The following SCRN1 variants were observed in gnomAD, a reference collection of about 807,000 sequenced individuals.
SCRN1 encodes the protein secernin-1.
Under a neutral mutation model 43.3 loss-of-function variants are expected in SCRN1, and 19 were observed. The observed-to-expected ratio is 0.44, with a 90% CI of 0.31 to 0.64. The LOEUF (loss-of-function observed/expected upper bound fraction) is 0.64, where lower values mean the gene tolerates loss of function less well. SCRN1 is among the 30% of genes least tolerant of loss of function. The pLI, the probability that SCRN1 is intolerant of heterozygous loss-of-function variation, is 0.09. For synonymous variants in SCRN1, 183 were observed against 188.9 expected (o/e 0.97, Z 0.26); for missense variants, 447 against 524.1 (o/e 0.85, Z 1.44).
chr7:29,969,294 C>A, intron 1 of SCRN1: 2 of 541,796 alleles, frequency 3.7e-6, no homozygotes, highest in Admixed American at 6.2e-5. Flanking sequence ...TAAATGAGCT[C>A]AGATTTGCAA....
intron 6 of SCRN1, among the ~76,000 whole-genome samples, chr7:29,930,938 C>T (rs1787135679): frequency 6.6e-6 from 1 of 152,298 alleles, no homozygotes; most frequent in Non-Finnish European, 1.5e-5. Context: ...CTAAAGGAAG[C>T]CTCCCTCAGC....
intron 6 of SCRN1, among the ~76,000 whole-genome samples, chr7:29,928,100 G>A (rs544020303): frequency 1.3e-5 from 2 of 152,284 alleles, no homozygotes; most frequent in African/African-American, 4.8e-5. Flanking sequence ...TCCGGCCTGG[G>A]TGACTGAGCG....
intron 5 of SCRN1, among the ~76,000 whole-genome samples, chr7:29,938,042 T>G (rs1787399500): frequency 6.6e-6 from 1 of 152,170 alleles, no homozygotes; most frequent in Non-Finnish European, 1.5e-5. Context: ...GCATCTTTTT[T>G]TTTTGAGATG....
Position 29,955,374 on chromosome 7 carries a change from A to T in SCRN1, c.160-14T>A. On this transcript the variant is annotated splice_polypyrimidine_tract_variant and intron_variant, in intron 2 of 7. Transcript: ENST00000242059. ...AATGTAAGTGCACTGAAAAACAAACACAGGAAAGAAAGCGCCATCACCTGT... is the reference window on the plus strand; with the variant it reads ...AATGTAAGTGCACTGAAAAACAAACTCAGGAAAGAAAGCGCCATCACCTGT... The T allele has an allele frequency of 6.2e-7, 1 of 1,611,738 alleles. No individual in the cohort carries two copies. Among genetic ancestry groups the T allele is most frequent in the Non-Finnish European group, 8.5e-7 (1 of 1,178,856 alleles).
Position 29,968,943 on chromosome 7 carries a change from G to C in SCRN1, c.125C>G (p.Ser42Trp). 1.2e-6 allele frequency: 2 copies of C among 1,614,102 alleles called. No individual in the cohort carries two copies. The highest frequency in any genetic ancestry group is 1.7e-6 in the Non-Finnish European group (2 of 1,180,016). Residue 42 changes from serine (S) to tryptophan (W), a missense_variant, in exon 2 of 8, where the codon TCG (serine) becomes TGG (tryptophan). By Grantham distance (177) the Ser-to-Trp change is radical. Coordinates refer to ENST00000242059, the MANE Select transcript of SCRN1 (RefSeq NM_014766.5). ...GCTCTCCGGTTCGTGATCAGCAGCCGAGAAATACACAACCTCTTGCACTTC... is the reference window on the plus strand; with the variant it reads ...GCTCTCCGGTTCGTGATCAGCAGCCCAGAAATACACAACCTCTTGCACTTC... The part of the protein sequence containing the change: ...RDEVQEVVYF[S>W]AADHEPESKV...
At position 29,951,353 on chromosome 7, in the gene SCRN1, G is replaced by C. The variant is rs922473552; in HGVS notation, c.341+3826C>G. On this transcript the variant is annotated intron_variant, in intron 3 of 7. Coordinates refer to ENST00000242059, the MANE Select transcript of SCRN1 (RefSeq NM_014766.5). The stretch of plus-strand genomic sequence containing the variant: ...CCTCTCTGCGCCTGGCTTGTGCTTG[G>C]AAGGCATGGGATCCAGGCCAGTAGC... Among the ~76,000 whole-genome samples, 13 of 152,316 alleles carry C rather than the reference G, an allele frequency of 8.5e-5. 1 individual carries two copies. The East Asian group carries it at 2.5e-3, about 29-fold the overall frequency.
intron 5 of SCRN1, among the ~76,000 whole-genome samples, chr7:29,937,169 C>T (rs1562804816): frequency 6.6e-6 from 1 of 152,246 alleles, no homozygotes; most frequent in Non-Finnish European, 1.5e-5. Context: ...ACATCTGGGA[C>T]TGTAACTACC....
In SCRN1 at chr7:29,955,193, C is replaced by G; in HGVS notation, c.327G>C (p.Gly109=). 6.2e-7 allele frequency: 1 copy of G among 1,614,108 alleles called. No homozygotes were observed. The highest frequency in any genetic ancestry group is 1.1e-5 in the South Asian group (1 of 91,072). The change falls in exon 3 of 8, where the codon GGG becomes GGC. Residue 109 remains glycine, a synonymous_variant. Transcript: ENST00000242059. The part of the protein sequence containing the change: ...EPAAEIEALL[G]MDLVRLGLER... ...CCATGCAGTACCTGACCAGATCCATCCCCAGCAAGGCTTCTATCTCGGCAG... is the reference window on the plus strand; with the variant it reads ...CCATGCAGTACCTGACCAGATCCATGCCCAGCAAGGCTTCTATCTCGGCAG...
intron 1 of SCRN1, among the ~76,000 whole-genome samples, chr7:29,978,378 G>A (rs1432123257): frequency 6.6e-6 from 1 of 152,176 alleles, no homozygotes; most frequent in Non-Finnish European, 1.5e-5. Flanking sequence ...GTTGGGTAGT[G>A]GCTCCTCTCA....
intron 1 of SCRN1, among the ~76,000 whole-genome samples, chr7:29,982,846 A>AT (rs562265162): frequency 0.15 from 22,531 of 145,912 alleles, 1,770 homozygotes; most frequent in African/African-American, 0.19. Flanking sequence ...GTGTCTCTTC[A>AT]TTTTTTTTTT....
At chr7:29,982,065 C>A (rs982721962) in intron 1 of SCRN1, among the ~76,000 whole-genome samples, 2 of 152,208 alleles carry the variant, frequency 1.3e-5, no homozygotes, top group African/African-American at 4.8e-5. Flanking sequence ...CTCCCACTGA[C>A]TCTTTTCCTC....
intron 1 of SCRN1, among the ~76,000 whole-genome samples, chr7:29,981,754 T>C (rs1280820599): frequency 6.6e-6 from 1 of 152,186 alleles, no homozygotes; most frequent in Non-Finnish European, 1.5e-5. Context: ...GACTAACATA[T>C]ACATCACTTC....
chr7:29,946,897 C>T (rs1383427892), intron 3 of SCRN1, among the ~76,000 whole-genome samples: 4 of 152,216 alleles, frequency 2.6e-5, no homozygotes, highest in Admixed American at 2.0e-4. Flanking sequence ...TCACTGGGTG[C>T]AGAAGAGATG....
At position 29,934,801 on chromosome 7, in the gene SCRN1, A is replaced by G. The variant is rs563675063; in HGVS notation, c.905+1755T>C. Reference sequence around the variant, plus strand: ...TAGAGCAGTTGAGGCTCACAGATAAAGGCTGACGGGTGCCACGGGAGGGTG... The same window carrying G: ...TAGAGCAGTTGAGGCTCACAGATAAGGGCTGACGGGTGCCACGGGAGGGTG... On this transcript the variant is annotated intron_variant, in intron 6 of 7. Transcript: ENST00000242059. Among the ~76,000 whole-genome samples the G allele has an allele frequency of 7.2e-5, 11 of 152,322 alleles. No homozygotes were observed. The South Asian group carries it at 1.5e-3, about 20-fold the overall frequency.
At position 29,982,460 on chromosome 7, in the gene SCRN1, A is replaced by G. The variant is rs930747021; in HGVS notation, c.-2+7182T>C. On this transcript the variant is annotated intron_variant, in intron 1 of 7. Coordinates refer to ENST00000242059, the MANE Select transcript of SCRN1 (RefSeq NM_014766.5). ...TTTGGGAGGCTGAGACAGCAGGATC[A>G]GTTGGGTCCAGGAGTTCAAGACCAT... Among the ~76,000 whole-genome samples, 3 of 152,214 alleles carry G rather than the reference A, an allele frequency of 2.0e-5. No individual in the cohort carries two copies. The East Asian group carries it at 5.8e-4, about 29-fold the overall frequency.
intron 1 of SCRN1, among the ~76,000 whole-genome samples, chr7:29,983,757 T>C (rs11978707): frequency 0.15 from 23,051 of 152,220 alleles, 1,825 homozygotes; most frequent in African/African-American, 0.19. Flanking sequence ...AGTATTAAGA[T>C]AGTTTGTTAC....
At chr7:29,967,465 G>A (rs925354765) in intron 2 of SCRN1, among the ~76,000 whole-genome samples, 8 of 149,756 alleles carry the variant, frequency 5.3e-5, no homozygotes, top group Non-Finnish European at 7.4e-5. Flanking sequence ...CTGGGCTCAC[G>A]TGATCCTCTC....
rs139836339 is a variant in SCRN1 at position 29,968,937 on chromosome 7, G to T, written c.131C>A (p.Ala44Asp). The T allele has an allele frequency of 6.2e-7, 1 of 1,614,038 alleles. No homozygotes were observed. Among genetic ancestry groups the T allele is most frequent in the African/African-American group, 1.3e-5 (1 of 74,896 alleles). Residue 44 changes from alanine (A) to aspartate (D), a missense_variant, in exon 2 of 8, where the codon GCT becomes GAT. Physicochemically the swap from Ala to Asp is moderately radical, Grantham distance 126. Coordinates refer to ENST00000242059, the MANE Select transcript of SCRN1 (RefSeq NM_014766.5). ...EVQEVVYFSA[A>D]DHEPESKVEC... The stretch of plus-strand genomic sequence containing the variant: ...AACCTTGCTCTCCGGTTCGTGATCA[G>T]CAGCCGAGAAATACACAACCTCTTG...
intron 6 of SCRN1, 119 bp from the exon 7 acceptor site, chr7:29,926,751 G>A: frequency 2.7e-6 from 2 of 752,888 alleles, no homozygotes; most frequent in East Asian, 3.3e-5. Context: ...GGTGGGTGTG[G>A]GTGACGGGTG....
Sources: gnomAD v4.1 joint callset for allele counts (sites outside exome capture counted in the v4.1 genomes callset) on GRCh38, gnomAD v4.1.1 for gene constraint, MANE v1.5 for transcripts, NCBI Gene and HGNC (gene_info 2026-07-23, HGNC 2026-07-21) for gene names.